Variants in MYO1H observed in about 807,000 individuals in gnomAD.
MYO1H encodes the protein unconventional myosin-Ih.
In MYO1H, 118 loss-of-function variants were observed where a neutral mutation model predicts 149.3. That is an observed-to-expected ratio of 0.79 (90% CI 0.68 to 0.92). The LOEUF (loss-of-function observed/expected upper bound fraction) is 0.92. Ranked by LOEUF, MYO1H falls within the 40% of genes least tolerant of loss-of-function variation. The pLI, the probability that MYO1H is intolerant of heterozygous loss-of-function variation, is 0.00. For missense variants in MYO1H, 1,212 were observed against 1,280.7 expected (o/e 0.95, Z 0.82); for synonymous variants, 447 against 465.2 (o/e 0.96, Z 0.50).
chr12:109,346,953 C>T (rs1033940472), upstream of MYO1H, among the ~76,000 whole-genome samples: 1 of 152,100 alleles, frequency 6.6e-6, no homozygotes, highest in Non-Finnish European at 1.5e-5. Flanking sequence ...ATTAGAGTGT[C>T]CAAAGAATTA....
At chr12:109,403,037 G>A (rs1275595028) in intron 6 of MYO1H, among the ~76,000 whole-genome samples, 1 of 152,114 alleles carries the variant, frequency 6.6e-6, no homozygotes, top group Admixed American at 6.5e-5. Flanking sequence ...TCATAACTTT[G>A]GTAAACTTTA....
At chr12:109,376,000 A>G (rs1177766257) in intron 1 of MYO1H, among the ~76,000 whole-genome samples, 1 of 152,184 alleles carries the variant, frequency 6.6e-6, no homozygotes, top group African/African-American at 2.4e-5. Context: ...CAATGGAAAG[A>G]AAGAAATAAT....
At chr12:109,380,309 T>A (rs1869176786) in intron 1 of MYO1H, among the ~76,000 whole-genome samples, 1 of 152,206 alleles carries the variant, frequency 6.6e-6, no homozygotes, top group Admixed American at 6.5e-5. Context: ...TTGGCATCAT[T>A]AAATATTCTA....
chr12:109,314,087 A>G, the MYO1H span, among the ~76,000 whole-genome samples: 1 of 151,554 alleles, frequency 6.6e-6, no homozygotes, highest in African/African-American at 2.4e-5. Context: ...GTTTTACCAT[A>G]TTGCCTAGAC....
At chr12:109,334,031 T>C in the MYO1H span, among the ~76,000 whole-genome samples, 13 of 152,236 alleles carry the variant, frequency 8.5e-5, no homozygotes, top group Non-Finnish European at 1.0e-4. Context: ...TTTACTTTTT[T>C]TTTGAGACAG....
At chr12:109,327,055 T>G in the MYO1H span, among the ~76,000 whole-genome samples, 26 of 151,880 alleles carry the variant, frequency 1.7e-4, no homozygotes, top group African/African-American at 5.6e-4. Context: ...AGGAGGGAAC[T>G]CTTCCTTTAT....
intron 1 of MYO1H, among the ~76,000 whole-genome samples, chr12:109,362,328 A>G (rs1315096118): frequency 6.6e-6 from 1 of 152,222 alleles, no homozygotes. Context: ...ATTTGAGCCA[A>G]AAGAGAATCT....
chr12:109,436,632 C>G, intron 22 of MYO1H, 76 bp downstream of exon 22: 1 of 973,072 alleles, frequency 1.0e-6, no homozygotes, highest in Non-Finnish European at 1.6e-6. Flanking sequence ...TTTGTGAGTT[C>G]TCTCCCCCTG....
At chr12:109,354,863 G>T (rs536794462) in intron 1 of MYO1H, among the ~76,000 whole-genome samples, 1 of 152,166 alleles carries the variant, frequency 6.6e-6, no homozygotes, top group Admixed American at 6.5e-5. Flanking sequence ...TTCAGTGTCT[G>T]CCTAGCCTTT....
chr12:109,439,762 G>A lies in MYO1H; in HGVS notation c.2426G>A (p.Trp809Ter), dbSNP rs1383361290. ...CCAAAGACTGTCCTGGACAAGAGCTGGCTGAGGCCTCCTGGCATCTTGGAA... is the reference window on the plus strand; with the variant it reads ...CCAAAGACTGTCCTGGACAAGAGCTAGCTGAGGCCTCCTGGCATCTTGGAA... The change falls in exon 24 of 32, where the codon TGG becomes TAG. Residue 809 changes from tryptophan to a stop codon, truncating the protein, a stop_gained. Coordinates refer to ENST00000310903, the Ensembl canonical transcript of MYO1H. LOFTEE classifies it high-confidence loss of function. 1 of 1,613,926 alleles carries A rather than the reference G, an allele frequency of 6.2e-7. No homozygotes were observed. The highest frequency in any genetic ancestry group is 1.7e-5 in the Admixed American group (1 of 60,022).
intron 1 of MYO1H, among the ~76,000 whole-genome samples, chr12:109,383,400 G>T (rs750898463): frequency 7.2e-5 from 11 of 152,160 alleles, no homozygotes; most frequent in African/African-American, 2.7e-4. Context: ...GTTCTGTTCC[G>T]CATGTGTATT....
chr12:109,408,215 C>G (rs1038545152), intron 10 of MYO1H, among the ~76,000 whole-genome samples: 4 of 152,154 alleles, frequency 2.6e-5, no homozygotes, highest in Admixed American at 6.6e-5. Context: ...TGCTCTGTCA[C>G]TCAGGCTGGG....
Position 109,397,826 on chromosome 12 carries a change from C to G in MYO1H, c.570+14C>G. ...TTTGATTTTCAGGTACACTGAAGCT[C>G]CTATTACTGGTTCATGGGGACCCCT... On this transcript the variant is annotated intron_variant, in intron 5 of 31. Coordinates refer to ENST00000310903, the Ensembl canonical transcript of MYO1H. 6.3e-7 allele frequency: 1 copy of G among 1,592,770 alleles called. No individual in the cohort carries two copies. The highest frequency in any genetic ancestry group is 8.6e-7 in the Non-Finnish European group (1 of 1,167,646).
At chr12:109,346,115 C>G (rs1042589189), upstream of MYO1H, among the ~76,000 whole-genome samples, 6 of 152,118 alleles carry the variant, frequency 3.9e-5, no homozygotes, top group East Asian at 1.2e-3. Flanking sequence ...CAAAAGTATT[C>G]AGGGAAAAAT....
At chr12:109,419,936 T>TA (rs141574987) in intron 15 of MYO1H, among the ~76,000 whole-genome samples, 4,494 of 152,288 alleles carry the variant, frequency 0.03, 98 homozygotes, top group Middle Eastern at 0.051. Flanking sequence ...ATGTAATTAT[T>TA]AACTGATTAA....
chr12:109,343,579 C>A (rs2048093059), upstream of MYO1H, among the ~76,000 whole-genome samples: 1 of 152,140 alleles, frequency 6.6e-6, no homozygotes. Flanking sequence ...TCCCCAACCC[C>A]CAACCCATAT....
chr12:109,349,674 AAAG>A (rs1265515518), intron 1 of MYO1H, among the ~76,000 whole-genome samples: 2 of 150,356 alleles, frequency 1.3e-5, no homozygotes, highest in African/African-American at 2.4e-5. Context: ...AAAAAAAAAA[AAAG>A]AGGCCGGGTG....
upstream of MYO1H, among the ~76,000 whole-genome samples, chr12:109,347,627 G>A (rs916195260): frequency 4.7e-5 from 7 of 150,328 alleles, no homozygotes; most frequent in African/African-American, 1.7e-4. Flanking sequence ...ATAGCTCACC[G>A]AGGGTCCTGC....
intron 19 of MYO1H, among the ~76,000 whole-genome samples, chr12:109,427,913 T>A (rs868600632): frequency 0.011 from 520 of 47,600 alleles, 12 homozygotes; most frequent in South Asian, 0.014. Flanking sequence ...AAAAAAAATA[T>A]ATATATATAT....
Sources: gnomAD v4.1 joint callset for allele counts (sites outside exome capture counted in the v4.1 genomes callset) on GRCh38, gnomAD v4.1.1 for gene constraint, MANE v1.5 for transcripts, NCBI Gene and HGNC (gene_info 2026-07-23, HGNC 2026-07-21) for gene names.